The following USP7 variants were observed in gnomAD, a reference collection of about 807,000 sequenced individuals.
USP7 encodes the protein ubiquitin C-terminal hydrolase 7.
In USP7, 9 loss-of-function variants were observed where a neutral mutation model predicts 162.9. The ratio of observed to expected loss-of-function variants is 0.06; its 90% CI spans 0.03 to 0.10. USP7 has a LOEUF of 0.10. USP7 is among the 10% of genes least tolerant of loss of function. The pLI is 1.00. For synonymous variants in USP7, 562 were observed against 475.9 expected (o/e 1.18, Z -2.35); for missense variants, 715 against 1,373.7 (o/e 0.52, Z 7.58).
chr16:8,900,012 AGGTAACAG>A, intron 21 of USP7: 1 of 551,046 alleles, frequency 1.8e-6, no homozygotes. Flanking sequence ...AAACCCCCTT[AGGTAACAG>A]CACCTGCTCT....
intron 5 of USP7, among the ~76,000 whole-genome samples, chr16:8,919,771 C>T (rs1314252882): frequency 6.6e-6 from 1 of 151,152 alleles, no homozygotes; most frequent in Admixed American, 6.6e-5. Flanking sequence ...TCCCTCTGTA[C>T]ACAATGCCAC....
intron 10 of USP7, among the ~76,000 whole-genome samples, chr16:8,912,638 T>C (rs1567219060): frequency 6.6e-6 from 1 of 150,842 alleles, no homozygotes; most frequent in East Asian, 2.0e-4. Context: ...AGCAAAAGCA[T>C]ACTAAGAAGA....
chr16:8,912,264 C>T (rs1372282480), intron 10 of USP7, among the ~76,000 whole-genome samples: 1 of 151,886 alleles, frequency 6.6e-6, no homozygotes, highest in African/African-American at 2.4e-5. Flanking sequence ...CCACCCTGGC[C>T]AACATGGTGA....
At chr16:8,918,919 G>A in intron 6 of USP7, 112 bp downstream of exon 6, 1 of 1,022,842 alleles carries the variant, frequency 9.8e-7, no homozygotes, top group Non-Finnish European at 1.5e-6. Flanking sequence ...GCCATCTGAG[G>A]AGACAGGGCC....
At chr16:8,929,017 T>G (rs974009092) in intron 2 of USP7, among the ~76,000 whole-genome samples, 2 of 70,502 alleles carry the variant, frequency 2.8e-5, no homozygotes, top group Non-Finnish European at 3.9e-5. Context: ...CCGCCCTATA[T>G]CTATGTCTCC....
Position 8,904,725 on chromosome 16 carries a change from G to A in USP7, c.1574-160C>T, listed in dbSNP as rs144278404. Among the ~76,000 whole-genome samples, 476 of 151,798 alleles carry A rather than the reference G, an allele frequency of 3.1e-3. 2 individuals are homozygous for A. The highest frequency in any genetic ancestry group is 0.011 in the African/African-American group (449 of 41,380). ...TGGGAGGCTGAGGCGGGCCGATCAC[G>A]AGGTCAGGAAATCAAGACCATCTTG... On this transcript the variant is annotated intron_variant, in intron 14 of 30. Transcript: ENST00000344836.
chr16:8,950,805 G>C (rs919818188), intron 1 of USP7, among the ~76,000 whole-genome samples: 14 of 152,238 alleles, frequency 9.2e-5, no homozygotes, highest in Non-Finnish European at 2.9e-5. Context: ...GCACTGACCA[G>C]CGCACGACAG....
At chr16:8,898,991 T>C (rs2061732281) in intron 23 of USP7, 130 bp downstream of exon 23, 3 of 1,015,578 alleles carry the variant, frequency 3.0e-6, no homozygotes, top group Non-Finnish European at 4.5e-6. Flanking sequence ...GTGACAATTC[T>C]GAAACTAAGC....
intron 10 of USP7, among the ~76,000 whole-genome samples, chr16:8,914,590 A>G (rs1000383442): frequency 6.6e-6 from 1 of 152,210 alleles, no homozygotes. Context: ...GACTACTCCC[A>G]GCGTGGATGT....
At chr16:8,900,384 C>A (rs544174940) in intron 21 of USP7, 146 bp downstream of exon 21, 85 of 499,828 alleles carry the variant, frequency 1.7e-4, no homozygotes, top group African/African-American at 1.6e-3. Flanking sequence ...ATTTCAAAAC[C>A]CAGAGAAAGC....
At chr16:8,922,135 G>A (rs1897728630) in intron 3 of USP7, among the ~76,000 whole-genome samples, 1 of 152,142 alleles carries the variant, frequency 6.6e-6, no homozygotes, top group Non-Finnish European at 1.5e-5. Context: ...AACAGAAGAG[G>A]ACAACTTTAA....
At chr16:8,903,203 G>A in intron 16 of USP7, 65 bp downstream of exon 16, 1 of 1,569,524 alleles carries the variant, frequency 6.4e-7, no homozygotes, top group Non-Finnish European at 8.7e-7. Flanking sequence ...GTATTTTCTA[G>A]TGACACGGAA....
intron 18 of USP7, 41 bp downstream of exon 18, chr16:8,902,041 C>A: frequency 6.6e-7 from 1 of 1,525,194 alleles, no homozygotes; most frequent in Non-Finnish European, 9.1e-7. Context: ...GAATCCAACG[C>A]TACTGCTCTA....
At chr16:8,924,049 T>G (rs1023710343) in intron 2 of USP7, among the ~76,000 whole-genome samples, 1 of 152,166 alleles carries the variant, frequency 6.6e-6, no homozygotes, top group East Asian at 1.9e-4. Context: ...ATGAGTAGTA[T>G]AAATTGTTAA....
At chr16:8,921,917 C>A (rs1897714698) in intron 3 of USP7, among the ~76,000 whole-genome samples, 1 of 152,166 alleles carries the variant, frequency 6.6e-6, no homozygotes, top group African/African-American at 2.4e-5. Context: ...GGGGCCTTAT[C>A]AATCAAAGCT....
At chr16:8,902,516 AAC>A (rs2141174142) in intron 16 of USP7, 34 bp from the exon 17 acceptor site, 1 of 1,587,926 alleles carries the variant, frequency 6.3e-7, no homozygotes, top group African/African-American at 1.3e-5. Context: ...TTAAAATAAA[AAC>A]ACGCTCATAT....
At chr16:8,940,533 G>A (rs1340239482) in intron 1 of USP7, among the ~76,000 whole-genome samples, 1 of 152,210 alleles carries the variant, frequency 6.6e-6, no homozygotes, top group Non-Finnish European at 1.5e-5. Context: ...AGGGCGGGAG[G>A]TGGGGCAGTT....
rs567870715 is a variant in USP7, at chr16:8,923,564, G to A, written c.185-151C>T. 2.4e-5 allele frequency: 19 copies of A among 787,354 alleles called. 1 individual carries two copies. The South Asian group carries it at 2.6e-4, about 11-fold the overall frequency. The allele number at this position is 787,354 out of a possible 1,614,324, so 48.8% of individuals were successfully genotyped here. A position where few individuals can be genotyped will look rare whatever the true frequency, so the allele number is the denominator to read the frequency against. ...AATTGCTTCCAATTTATTAAAACCC[G>A]AAGACTGAGATAACATACAGTTTCT... On this transcript the variant is annotated intron_variant, in intron 2 of 30. Transcript: ENST00000344836.
intron 6 of USP7, 60 bp downstream of exon 6, chr16:8,918,971 G>A: frequency 6.4e-7 from 1 of 1,563,586 alleles, no homozygotes; most frequent in Non-Finnish European, 8.8e-7. Flanking sequence ...ACTTTGCTCT[G>A]ATATACCTGA....
Sources: gnomAD v4.1 joint callset for allele counts (sites outside exome capture counted in the v4.1 genomes callset) on GRCh38, gnomAD v4.1.1 for gene constraint, MANE v1.5 for transcripts, NCBI Gene and HGNC (gene_info 2026-07-23, HGNC 2026-07-21) for gene names.